Variants in ATIC observed in about 807,000 individuals in gnomAD.
The protein encoded by ATIC is bifunctional purine biosynthesis protein ATIC.
ATIC carries 64 observed loss-of-function variants against 72.5 expected under a neutral mutation model. The observed-to-expected ratio is 0.88, with a 90% CI of 0.72 to 1.09. The LOEUF is 1.09. ATIC is among the 50% of genes least tolerant of loss of function. ATIC has a pLI of 0.00. For synonymous variants in ATIC, 281 were observed against 267.1 expected (o/e 1.05, Z -0.51); for missense variants, 787 against 732.4 (o/e 1.07, Z -0.86).
chr2:215,318,500 A>T (rs2052734003), intron 3 of ATIC, among the ~76,000 whole-genome samples: 1 of 152,212 alleles, frequency 6.6e-6, no homozygotes, highest in Non-Finnish European at 1.5e-5. Flanking sequence ...TTTCCTGCTC[A>T]AGTTGCTGAA....
At chr2:215,358,964 C>T in the ATIC span, among the ~76,000 whole-genome samples, 3 of 152,204 alleles carry the variant, frequency 2.0e-5, no homozygotes, top group Non-Finnish European at 4.4e-5. Context: ...CTCGCTGCAA[C>T]CTCCGCCTCC....
the ATIC span, among the ~76,000 whole-genome samples, chr2:215,358,840 A>G: frequency 6.6e-6 from 1 of 152,306 alleles, no homozygotes; most frequent in Non-Finnish European, 1.5e-5. Flanking sequence ...CTTGCTATCC[A>G]TTTAGTTAAT....
chr2:215,333,729 A>T (rs1477031467), intron 9 of ATIC, among the ~76,000 whole-genome samples: 1 of 152,050 alleles, frequency 6.6e-6, no homozygotes, highest in East Asian at 1.9e-4. Flanking sequence ...CTCAAAATAC[A>T]TTTCTTTATA....
chr2:215,346,740 T>C lies in ATIC; in HGVS notation c.1321-19T>C, dbSNP rs1183825443. ...GTGTCTTTGGAAGAGGTGTTCACTT[T>C]AATGTCTGTGTTCCTCAGGTTATCG... On this transcript the variant is annotated intron_variant, in intron 13 of 15. Coordinates refer to ENST00000236959, the MANE Select transcript of ATIC (RefSeq NM_004044.7). 6.2e-7 allele frequency: 1 copy of C among 1,613,800 alleles called. No homozygotes were observed. Among genetic ancestry groups the C allele is most frequent in the Non-Finnish European group, 8.5e-7 (1 of 1,179,810 alleles).
At chr2:215,313,358 C>A (rs2052675814) in intron 2 of ATIC, among the ~76,000 whole-genome samples, 1 of 152,144 alleles carries the variant, frequency 6.6e-6, no homozygotes, top group South Asian at 2.1e-4. Flanking sequence ...AGGTGCAAAT[C>A]ATTCATTCCC....
intron 1 of ATIC, 77 bp downstream of exon 1, chr2:215,312,238 G>GGGACCCGGCA: frequency 6.9e-7 from 1 of 1,442,488 alleles, no homozygotes. Flanking sequence ...GGCGGCCGGC[G>GGGACCCGGCA]GGACCCGGCA....
At chr2:215,336,151 TA>T (rs1438977165) in intron 11 of ATIC, 27 bp downstream of exon 11, 1 of 1,522,606 alleles carries the variant, frequency 6.6e-7, no homozygotes, top group East Asian at 2.3e-5. Flanking sequence ...TTTGAAGCGG[TA>T]ATTTGCTCTT....
intron 2 of ATIC, among the ~76,000 whole-genome samples, chr2:215,317,546 C>T (rs1464033200): frequency 4.6e-5 from 7 of 152,102 alleles, no homozygotes; most frequent in African/African-American, 1.4e-4. Flanking sequence ...AGTGCAGTGG[C>T]ATGATCTCGG....
chr2:215,344,657 C>T (rs1232720534), intron 12 of ATIC, 122 bp from the exon 13 acceptor site: 2 of 912,102 alleles, frequency 2.2e-6, no homozygotes, highest in East Asian at 2.7e-5. Context: ...CCCATTGTGC[C>T]TGGGAGACAG....
Position 215,336,115 on chromosome 2 carries a change from T to A in ATIC, c.1089T>A (p.Cys363Ter), listed in dbSNP as rs141587579. The A allele has an allele frequency of 6.2e-7, 1 of 1,610,636 alleles. No individual in the cohort carries two copies. The highest frequency in any genetic ancestry group is 1.1e-5 in the South Asian group (1 of 90,954). Reference protein sequence around the residue: ...ILSKKKNGNYCVLQMDQSYKP... With the variant: ...ILSKKKNGNY ...CCAAAAAGAAAAATGGAAACTATTG[T>A]GTCCTTCAGGTGAGTGCAATTCATG... Residue 363 changes from cysteine (C) to a stop codon, truncating the protein, a stop_gained, in exon 11 of 16, where the codon TGT (cysteine) becomes TGA (stop). Coordinates refer to ENST00000236959, the MANE Select transcript of ATIC (RefSeq NM_004044.7). LOFTEE classifies it high-confidence loss of function.
rs2053104844 is a variant in ATIC, at chr2:215,349,174, T to C, written c.1584T>C (p.Val528=). 2 of 1,614,006 alleles carry C rather than the reference T, an allele frequency of 1.2e-6. No homozygotes were observed. Among genetic ancestry groups the C allele is most frequent in the Non-Finnish European group, 1.7e-6 (2 of 1,180,018 alleles). Residue 528 remains valine, a synonymous_variant, in exon 15 of 16, where the codon GTT becomes GTC. Coordinates refer to ENST00000236959, the MANE Select transcript of ATIC (RefSeq NM_004044.7). The part of the protein sequence containing the change: ...LLTEAEKKEW[V]EKLTEVSISS... Reference sequence around the variant, plus strand: ...CTGAGGCAGAGAAGAAGGAATGGGTTGAGAAACTGACTGAAGTTTCTATCA... The same window carrying C: ...CTGAGGCAGAGAAGAAGGAATGGGTCGAGAAACTGACTGAAGTTTCTATCA...
At chr2:215,325,434 C>G in intron 5 of ATIC, 105 bp downstream of exon 5, 1 of 836,068 alleles carries the variant, frequency 1.2e-6, no homozygotes, top group Non-Finnish European at 2.0e-6. Context: ...AAGAAAATAG[C>G]TACTTCTGGA....
Position 215,336,142 on chromosome 2 carries a change from T to C in ATIC, c.1098+18T>C, listed in dbSNP as rs953431388. The C allele has an allele frequency of 2.6e-6, 4 of 1,566,746 alleles. No individual in the cohort carries two copies. The African/African-American group carries it at 5.4e-5, about 21-fold the overall frequency. On this transcript the variant is annotated intron_variant, in intron 11 of 15. Coordinates refer to ENST00000236959, the MANE Select transcript of ATIC (RefSeq NM_004044.7). ...TCCTTCAGGTGAGTGCAATTCATGT[T>C]TGAAGCGGTAATTTGCTCTTTTATT... is the stretch of plus-strand genomic sequence containing the variant.
Position 215,312,090 on chromosome 2 carries a change from C to G in ATIC, c.-53C>G, listed in dbSNP as rs1471721525. ...TCCCGGCAGCCCTCCTACCTGCGCA[C>G]GTGGTGCCGCCGCTGCTGCCTCCCG... On this transcript the variant is annotated 5_prime_UTR_variant, in exon 1 of 16. Transcript: ENST00000236959. 8.5e-6 allele frequency: 13 copies of G among 1,529,880 alleles called. No individual in the cohort carries two copies. In the East Asian group the frequency reaches 1.2e-4, roughly 15 times the overall value. The allele number at this position is 1,529,880 out of a possible 1,614,324, so 94.8% of individuals were successfully genotyped here. A position where few individuals can be genotyped will look rare whatever the true frequency, so the allele number is the denominator to read the frequency against.
chr2:215,352,528 G>A (rs2053138148), downstream of ATIC, among the ~76,000 whole-genome samples: 1 of 151,776 alleles, frequency 6.6e-6, no homozygotes, highest in African/African-American at 2.4e-5. Flanking sequence ...CTTGCAGTGA[G>A]CTGAGATCAC....
chr2:215,335,533 A>G (rs892598022), intron 10 of ATIC, among the ~76,000 whole-genome samples: 1 of 152,260 alleles, frequency 6.6e-6, no homozygotes, highest in African/African-American at 2.4e-5. Context: ...GCTTGGCACT[A>G]TTTTGTTGCT....
At chr2:215,366,072 C>T in the ATIC span, among the ~76,000 whole-genome samples, 1 of 151,118 alleles carries the variant, frequency 6.6e-6, no homozygotes, top group Admixed American at 6.6e-5. Context: ...CCCGCCTCAG[C>T]CTCCAAAAGT....
chr2:215,349,012 G>A (rs1400816940), intron 14 of ATIC, 82 bp from the exon 15 acceptor site: 1 of 1,411,342 alleles, frequency 7.1e-7, no homozygotes, highest in African/African-American at 1.4e-5. Context: ...ATGCCCAGGT[G>A]CTTTCTGGCA....
At chr2:215,349,487 C>G in intron 15 of ATIC, 49 bp from the exon 16 acceptor site, 1 of 1,613,320 alleles carries the variant, frequency 6.2e-7, no homozygotes, top group Non-Finnish European at 8.5e-7. Flanking sequence ...TTGAGTTTTG[C>G]AGGTTTTTAC....
Sources: gnomAD v4.1 joint callset for allele counts (sites outside exome capture counted in the v4.1 genomes callset) on GRCh38, gnomAD v4.1.1 for gene constraint, MANE v1.5 for transcripts, NCBI Gene and HGNC (gene_info 2026-07-23, HGNC 2026-07-21) for gene names.